Variants in AKAP19 observed in about 807,000 individuals in gnomAD.
The protein encoded by AKAP19 is small A-kinase anchoring protein.
the AKAP19 span, among the ~76,000 whole-genome samples, chr2:190,107,835 A>G: frequency 6.6e-6 from 1 of 152,214 alleles, no homozygotes; most frequent in Admixed American, 6.5e-5. Flanking sequence ...TTATGTTTGG[A>G]CTAGACTACC....
chr2:189,922,125 G>A, the AKAP19 span, among the ~76,000 whole-genome samples: 1 of 152,084 alleles, frequency 6.6e-6, no homozygotes, highest in Non-Finnish European at 1.5e-5. Context: ...AGAAGAAATA[G>A]CATATACAAA....
the AKAP19 span, among the ~76,000 whole-genome samples, chr2:190,096,324 A>G: frequency 6.6e-6 from 1 of 152,224 alleles, no homozygotes; most frequent in Non-Finnish European, 1.5e-5. Flanking sequence ...TACCACAGTA[A>G]AAGAAATGAT....
the AKAP19 span, among the ~76,000 whole-genome samples, chr2:189,897,871 T>C: frequency 6.6e-6 from 1 of 152,148 alleles, no homozygotes; most frequent in Non-Finnish European, 1.5e-5. Context: ...ACCCCAGACA[T>C]TTTACTAAAT....
the AKAP19 span, among the ~76,000 whole-genome samples, chr2:189,993,639 T>G: frequency 6.6e-6 from 1 of 152,166 alleles, no homozygotes; most frequent in Non-Finnish European, 1.5e-5. Context: ...CCTGGACTAT[T>G]TTTGGTTGGC....
the AKAP19 span, among the ~76,000 whole-genome samples, chr2:189,994,452 C>A: frequency 6.6e-6 from 1 of 152,002 alleles, no homozygotes; most frequent in Non-Finnish European, 1.5e-5. Context: ...GAACTTCCCT[C>A]TTAGCGCTGC....
the AKAP19 span, among the ~76,000 whole-genome samples, chr2:189,953,030 C>G: frequency 1.3e-5 from 2 of 152,144 alleles, no homozygotes; most frequent in African/African-American, 4.8e-5. Flanking sequence ...CTTTTGTTAT[C>G]TATGCCAGTT....
At chr2:190,180,919 G>A in the AKAP19 span, 5 of 985,204 alleles carry the variant, frequency 5.1e-6, no homozygotes, top group African/African-American at 8.7e-5. The surrounding 1 kb of genome is among the most constrained non-coding windows in gnomAD (Gnocchi z 6.8). Flanking sequence ...CGCTGCCCTG[G>A]CAGCTGGACT....
the AKAP19 span, among the ~76,000 whole-genome samples, chr2:190,169,245 A>G: frequency 1.3e-5 from 2 of 152,162 alleles, no homozygotes; most frequent in Non-Finnish European, 2.9e-5. Flanking sequence ...AGAACAGCAC[A>G]GGAAAGACCT....
the AKAP19 span, among the ~76,000 whole-genome samples, chr2:189,907,897 T>G: frequency 5.3e-5 from 8 of 152,156 alleles, no homozygotes; most frequent in Admixed American, 3.9e-4. Context: ...TTCTGTGGCA[T>G]CAGCTGTAAT....
chr2:190,058,236 T>C, the AKAP19 span, among the ~76,000 whole-genome samples: 3 of 152,034 alleles, frequency 2.0e-5, no homozygotes, highest in Non-Finnish European at 4.4e-5. Context: ...AATTTGTTGA[T>C]TCTGTCTCTG....
chr2:190,143,713 C>T, the AKAP19 span, among the ~76,000 whole-genome samples: 1 of 151,794 alleles, frequency 6.6e-6, no homozygotes, highest in East Asian at 1.9e-4. Context: ...TATAAAGACA[C>T]ATGCACATGT....
chr2:190,188,051 T>C, the AKAP19 span, among the ~76,000 whole-genome samples: 2 of 152,186 alleles, frequency 1.3e-5, no homozygotes, highest in South Asian at 4.1e-4. Flanking sequence ...CATGTGTATA[T>C]ATGTGTCTGT....
the AKAP19 span, among the ~76,000 whole-genome samples, chr2:190,097,184 C>G: frequency 2.0e-5 from 3 of 152,036 alleles, no homozygotes; most frequent in African/African-American, 7.2e-5. Context: ...GGTATTAAGC[C>G]CAGCATCCAT....
the AKAP19 span, among the ~76,000 whole-genome samples, chr2:190,042,764 G>A: frequency 6.6e-6 from 1 of 152,294 alleles, no homozygotes; most frequent in Non-Finnish European, 1.5e-5. Context: ...TTGTGTGGTT[G>A]CTTTACACAC....
the AKAP19 span, among the ~76,000 whole-genome samples, chr2:190,145,115 T>C: frequency 6.6e-6 from 1 of 152,114 alleles, no homozygotes; most frequent in Non-Finnish European, 1.5e-5. Context: ...TGAGACTTCA[T>C]CTCTACAAAA....
the AKAP19 span, among the ~76,000 whole-genome samples, chr2:190,108,882 A>T: frequency 6.6e-6 from 1 of 151,792 alleles, no homozygotes; most frequent in East Asian, 1.9e-4. Context: ...AAAAAACCTT[A>T]AACAGAAGAC....
chr2:190,148,953 C>CTTTTT, the AKAP19 span, among the ~76,000 whole-genome samples: 11 of 134,080 alleles, frequency 8.2e-5, no homozygotes, highest in African/African-American at 3.1e-4. Flanking sequence ...TCTTTTCTTT[C>CTTTTT]TTTTTTTTTT....
the AKAP19 span, among the ~76,000 whole-genome samples, chr2:190,182,595 T>G: frequency 1.3e-5 from 2 of 152,176 alleles, no homozygotes; most frequent in East Asian, 3.8e-4. Context: ...AATACTAGTT[T>G]TTATGTTTCC....
At chr2:190,200,121 T>C in the AKAP19 span, 7 of 1,614,042 alleles carry the variant, frequency 4.3e-6, no homozygotes, top group South Asian at 7.7e-5. Flanking sequence ...ACCATGACAT[T>C]CCATACATTG....
Sources: gnomAD v4.1 joint callset for allele counts (sites outside exome capture counted in the v4.1 genomes callset) on GRCh38, gnomAD v4.1.1 for gene constraint, Gnocchi (gnomAD v3.1) non-coding constraint, MANE v1.5 for transcripts, NCBI Gene and HGNC (gene_info 2026-07-23, HGNC 2026-07-21) for gene names.